Variants in ALK observed in about 807,000 individuals in gnomAD.
ALK encodes the protein ALK tyrosine kinase receptor.
Under a neutral mutation model 163.1 loss-of-function variants are expected in ALK, and 74 were observed. That is an observed-to-expected ratio of 0.45 (90% confidence interval 0.38 to 0.55). ALK has a LOEUF of 0.55. Among genes scored for constraint, ALK ranks in the 20% least tolerant of loss-of-function variants. The pLI, the probability that ALK is intolerant of heterozygous loss-of-function variation, is 0.00. For missense variants in ALK, 2,063 were observed against 2,105.3 expected, an observed-to-expected ratio of 0.98 and a Z score of 0.39; for synonymous variants, 960 against 843.2, an observed-to-expected ratio of 1.14 and a Z score of -2.40.
At chr2:29,325,845 C>T (rs1667241475) in intron 6 of ALK, among the ~76,000 whole-genome samples, 3 of 152,190 alleles carry the variant, frequency 2.0e-5, no homozygotes, top group Admixed American at 2.0e-4. Context: ...GCTCCTGCCT[C>T]ATAGAGTAAA....
At chr2:29,549,266 G>C (rs1397330399) in intron 3 of ALK, among the ~76,000 whole-genome samples, 1 of 152,130 alleles carries the variant, frequency 6.6e-6, no homozygotes, top group East Asian at 1.9e-4. Context: ...TTGAAAGCCA[G>C]GTTCAAGATG....
chr2:29,382,186 G>A (rs1668915409), intron 5 of ALK, among the ~76,000 whole-genome samples: 1 of 152,220 alleles, frequency 6.6e-6, no homozygotes, highest in Non-Finnish European at 1.5e-5. Flanking sequence ...CCTCCTCTAA[G>A]AGGGTGCCCT....
At chr2:29,876,401 G>A (rs1400870107) in intron 1 of ALK, among the ~76,000 whole-genome samples, 1 of 151,686 alleles carries the variant, frequency 6.6e-6, no homozygotes, top group Non-Finnish European at 1.5e-5. Context: ...TGGTGATGAT[G>A]GTGGTGATGG....
At chr2:29,732,122 A>G (rs1183984399) in intron 1 of ALK, among the ~76,000 whole-genome samples, 1 of 152,242 alleles carries the variant, frequency 6.6e-6, no homozygotes, top group Non-Finnish European at 1.5e-5. Context: ...TACAATAGGG[A>G]GAAAACAATA....
At chr2:29,758,004 TC>T (rs1680586891) in intron 1 of ALK, among the ~76,000 whole-genome samples, 1 of 139,448 alleles carries the variant, frequency 7.2e-6, no homozygotes, top group Non-Finnish European at 1.5e-5. Context: ...ACCCGCATCC[TC>T]TTTTTTTTTT....
intron 5 of ALK, among the ~76,000 whole-genome samples, chr2:29,359,712 A>G (rs775792031): frequency 2.0e-5 from 3 of 152,146 alleles, no homozygotes; most frequent in Non-Finnish European, 4.4e-5. Flanking sequence ...TCAGCCACTC[A>G]TCTCCCAGAA....
chr2:29,882,967 T>C (rs1037104756), intron 1 of ALK, among the ~76,000 whole-genome samples: 6 of 152,164 alleles, frequency 3.9e-5, no homozygotes, highest in Non-Finnish European at 7.4e-5. Flanking sequence ...CTAATGTTTT[T>C]CCTTGGTCAT....
intron 5 of ALK, among the ~76,000 whole-genome samples, chr2:29,374,958 C>A (rs185097657): frequency 6.6e-6 from 1 of 152,184 alleles, no homozygotes; most frequent in Admixed American, 6.5e-5. Context: ...CACCATTGCA[C>A]GGCTGATTGA....
At chr2:29,890,490 C>T (rs1387029566) in intron 1 of ALK, 2 of 152,220 alleles carry the variant, frequency 1.3e-5, no homozygotes, top group Non-Finnish European at 2.9e-5. Flanking sequence ...TTTTAGGGGA[C>T]AGGATTGCCT....
chr2:29,394,064 G>A (rs1453454148), intron 4 of ALK, among the ~76,000 whole-genome samples: 1 of 152,076 alleles, frequency 6.6e-6, no homozygotes, highest in Non-Finnish European at 1.5e-5. Context: ...AAGACAATGA[G>A]GAACTCTAAT....
At chr2:29,908,862 TG>T (rs1290153493) in intron 1 of ALK, among the ~76,000 whole-genome samples, 2 of 152,256 alleles carry the variant, frequency 1.3e-5, no homozygotes, top group African/African-American at 4.8e-5. Flanking sequence ...TAGCATACTT[TG>T]TCTGCCTTTT....
intron 1 of ALK, among the ~76,000 whole-genome samples, chr2:29,761,215 C>T (rs904951034): frequency 6.6e-6 from 1 of 152,162 alleles, no homozygotes; most frequent in African/African-American, 2.4e-5. Flanking sequence ...AAGCAGCCCT[C>T]ACAATGATGA....
intron 1 of ALK, among the ~76,000 whole-genome samples, chr2:29,719,026 C>T (rs1425323296): frequency 6.6e-6 from 1 of 152,210 alleles, no homozygotes; most frequent in East Asian, 1.9e-4. Flanking sequence ...CCACTTCACA[C>T]ACTTGAAGGA....
At chr2:29,687,316 A>T (rs1319025815) in intron 3 of ALK, among the ~76,000 whole-genome samples, 1 of 151,834 alleles carries the variant, frequency 6.6e-6, no homozygotes, top group Non-Finnish European at 1.5e-5. Flanking sequence ...GGTGCTCTGG[A>T]CTTGGGAGCC....
intron 1 of ALK, among the ~76,000 whole-genome samples, chr2:29,917,639 T>G (rs568051842): frequency 6.6e-6 from 1 of 152,316 alleles, no homozygotes; most frequent in South Asian, 2.1e-4. Flanking sequence ...TAGTCCTGCA[T>G]GGCCAGCTGC....
intron 3 of ALK, among the ~76,000 whole-genome samples, chr2:29,669,068 T>C (rs1233457384): frequency 6.6e-6 from 1 of 151,974 alleles, no homozygotes; most frequent in African/African-American, 2.4e-5. Context: ...CCAAACCATA[T>C]CAGCAAAGAT....
At chr2:29,603,976 A>T (rs1315229249) in intron 3 of ALK, among the ~76,000 whole-genome samples, 3 of 152,062 alleles carry the variant, frequency 2.0e-5, no homozygotes, top group Non-Finnish European at 4.4e-5. Context: ...TGGTGATTAC[A>T]TGAAAAACTC....
chr2:29,531,494 C>T (rs950858443), intron 4 of ALK, among the ~76,000 whole-genome samples: 15 of 152,124 alleles, frequency 9.9e-5, no homozygotes, highest in African/African-American at 2.4e-4. Flanking sequence ...CCATAGAACC[C>T]GCTTGGATGG....
At chr2:29,327,784 A>T (rs1300440679) in intron 6 of ALK, among the ~76,000 whole-genome samples, 2 of 152,120 alleles carry the variant, frequency 1.3e-5, no homozygotes, top group African/African-American at 4.8e-5. Context: ...ATTGTGGGGG[A>T]AGGATCCAGA....
Sources: allele counts gnomAD v4.1 joint callset (sites outside exome capture counted in the v4.1 genomes callset), GRCh38; gene constraint gnomAD v4.1.1; transcripts MANE v1.5; gene names NCBI Gene and HGNC (gene_info 2026-07-23, HGNC 2026-07-21).